The following SEC14L5 variants were observed in gnomAD, a reference collection of about 807,000 sequenced individuals.
SEC14L5 encodes the protein SEC14 like lipid binding 5, also known as SEC14-like protein 5.
In SEC14L5, 96 loss-of-function variants were observed where a neutral mutation model predicts 84.6. The ratio of observed to expected loss-of-function variants is 1.13; its 90% CI spans 0.96 to 1.34. The LOEUF (loss-of-function observed/expected upper bound fraction) is 1.34. Ranked by LOEUF, SEC14L5 falls within the 40% of genes most tolerant of loss-of-function variation. SEC14L5 has a pLI of 0.00. For synonymous variants in SEC14L5, 546 were observed against 383.4 expected, an observed-to-expected ratio of 1.42 and a Z score of -4.95; for missense variants, 1,224 against 942.5, an observed-to-expected ratio of 1.30 and a Z score of -3.91.
Position 4,996,341 on chromosome 16 carries a change from C to T in SEC14L5, c.668-7C>T, listed in dbSNP as rs1449285416. 1 of 1,527,774 alleles carries T rather than the reference C, an allele frequency of 6.5e-7. No homozygotes were observed. The highest frequency in any genetic ancestry group is 8.9e-7 in the Non-Finnish European group (1 of 1,124,904). The allele number at this position is 1,527,774 out of a possible 1,614,324, so 94.6% of individuals were successfully genotyped here. A position where few individuals can be genotyped will look rare whatever the true frequency, so the allele number is the denominator to read the frequency against. On this transcript the variant is annotated splice_polypyrimidine_tract_variant and splice_region_variant and intron_variant, in intron 6 of 15. Coordinates refer to ENST00000251170, the MANE Select transcript of SEC14L5 (RefSeq NM_014692.2). ...TCTTGTCCTGAAGCTCCCCCTTCTC[C>T]TCCAAGGGGACAAGCTGGATGCGGA...
chr16:4,997,768 A>T (rs910724282), intron 8 of SEC14L5, among the ~76,000 whole-genome samples: 4 of 152,038 alleles, frequency 2.6e-5, no homozygotes, highest in Admixed American at 6.6e-5. Flanking sequence ...TCTAGGGGAG[A>T]ATCCTTGCCT....
At position 4,992,170 on chromosome 16, in the gene SEC14L5, C is replaced by G. The variant is rs1955560152; in HGVS notation, c.667+140C>G. 5.5e-6 allele frequency: 3 copies of G among 544,450 alleles called. No individual in the cohort carries two copies. In the East Asian group the frequency reaches 9.5e-5, roughly 17 times the overall value. 33.7% of individuals were successfully genotyped at this position (544,450 alleles called of 1,614,324 possible). ...GGTCTGGGTCTTGGAACGACACCGC[C>G]TCCTGCCTCCACTGAGTGCTTTTCT... On this transcript the variant is annotated intron_variant, in intron 6 of 15. Transcript: ENST00000251170.
At chr16:4,969,000 G>A (rs960706338) in intron 2 of SEC14L5, among the ~76,000 whole-genome samples, 2 of 152,268 alleles carry the variant, frequency 1.3e-5, no homozygotes, top group African/African-American at 2.4e-5. Flanking sequence ...AGTTGGATTC[G>A]CTGTTACGGA....
At chr16:4,959,642 C>T (rs1298304827) in intron 2 of SEC14L5, among the ~76,000 whole-genome samples, 1 of 152,116 alleles carries the variant, frequency 6.6e-6, no homozygotes, top group African/African-American at 2.4e-5. Context: ...TTTAGACTCT[C>T]CTGATAGAAA....
intron 2 of SEC14L5, among the ~76,000 whole-genome samples, chr16:4,982,008 C>T (rs534006059): frequency 6.6e-6 from 1 of 152,296 alleles, no homozygotes; most frequent in Admixed American, 6.5e-5. Flanking sequence ...TGAGTCCAGA[C>T]CCCAGGATCC....
chr16:4,995,098 C>T (rs1468593683), intron 6 of SEC14L5, among the ~76,000 whole-genome samples: 5 of 152,202 alleles, frequency 3.3e-5, no homozygotes, highest in African/African-American at 7.2e-5. Flanking sequence ...CAGCAGTTGG[C>T]GTGACCCCCC....
chr16:4,963,243 T>TA (rs1395681325), intron 2 of SEC14L5, among the ~76,000 whole-genome samples: 5 of 152,226 alleles, frequency 3.3e-5, no homozygotes, highest in African/African-American at 1.2e-4. Context: ...TACTCTCACT[T>TA]AAAAAATTTA....
intron 4 of SEC14L5, 43 bp from the exon 5 acceptor site, chr16:4,990,724 C>T: frequency 1.3e-6 from 2 of 1,565,586 alleles, no homozygotes; most frequent in Non-Finnish European, 1.7e-6. Flanking sequence ...GGCAGGGTGC[C>T]CCCGACATTG....
chr16:4,975,409 C>T (rs1050354060), intron 2 of SEC14L5, among the ~76,000 whole-genome samples: 19 of 134,528 alleles, frequency 1.4e-4, no homozygotes, highest in Admixed American at 3.5e-4. Context: ...GGAGGCAGAG[C>T]TTGCAGTGAG....
At chr16:4,990,308 A>G (rs1293457607) in intron 4 of SEC14L5, among the ~76,000 whole-genome samples, 9 of 152,022 alleles carry the variant, frequency 5.9e-5, no homozygotes, top group Non-Finnish European at 1.2e-4. Context: ...GATTACAGGC[A>G]CCCACCACCA....
chr16:4,999,234 A>G (rs1179657360), intron 8 of SEC14L5, among the ~76,000 whole-genome samples: 1 of 152,214 alleles, frequency 6.6e-6, no homozygotes, highest in Non-Finnish European at 1.5e-5. Flanking sequence ...CACTAGCTTC[A>G]GGCAGGCACC....
intron 4 of SEC14L5, among the ~76,000 whole-genome samples, chr16:4,989,394 A>G (rs717346): frequency 0.52 from 78,413 of 149,890 alleles, 20,772 homozygotes; most frequent in East Asian, 0.72. Flanking sequence ...GTGCACTGGC[A>G]TAATCTTGGC....
Position 4,987,498 on chromosome 16 carries a change from G to GGC in SEC14L5, c.64-58_64-57insCG. The stretch of plus-strand genomic sequence containing the variant: ...ACACAGCAGATAAGGAGGTCGCGCT[G>GGC]GGGGGGGGGGTCCCTCTGCCCCCCC... On this transcript the variant is annotated intron_variant, in intron 2 of 15. Transcript: ENST00000251170. 9.0e-6 allele frequency: 6 copies of GGC among 667,676 alleles called. No individual in the cohort carries two copies. In the South Asian group the frequency reaches 1.1e-4, roughly 12 times the overall value. 41.4% of individuals were successfully genotyped at this position (667,676 alleles called of 1,614,324 possible).
intron 2 of SEC14L5, among the ~76,000 whole-genome samples, chr16:4,972,419 C>G (rs1378489890): frequency 6.6e-6 from 1 of 152,204 alleles, no homozygotes; most frequent in Non-Finnish European, 1.5e-5. Flanking sequence ...CAACTGTCTC[C>G]ACTGTCCATC....
Position 4,959,857 on chromosome 16 carries a change from T to A in SEC14L5, c.63+471T>A, listed in dbSNP as rs115123901. ...ACTGAGGCTTTGACAGGTGAAGGGA[T>A]GACACTAAGTTCTGTATCTACGCAG... On this transcript the variant is annotated intron_variant, in intron 2 of 15. Coordinates refer to ENST00000251170, the MANE Select transcript of SEC14L5 (RefSeq NM_014692.2). Among the ~76,000 whole-genome samples, 1,068 of 152,276 alleles carry A rather than the reference T, an allele frequency of 7.0e-3. 8 individuals are homozygous for A. The highest frequency in any genetic ancestry group is 0.024 in the African/African-American group (1,018 of 41,556).
At chr16:4,967,562 G>GTTTTTTTTTT (rs869061549) in intron 2 of SEC14L5, among the ~76,000 whole-genome samples, 3 of 37,064 alleles carry the variant, frequency 8.1e-5, no homozygotes, top group Non-Finnish European at 1.1e-4. Context: ...TCTTTCTTTC[G>GTTTTTTTTTT]TTTTTTTTTT....
chr16:4,962,990 G>A (rs569369600), intron 2 of SEC14L5, among the ~76,000 whole-genome samples: 23 of 152,308 alleles, frequency 1.5e-4, no homozygotes, highest in Non-Finnish European at 2.8e-4. Context: ...CTCAGATTGG[G>A]TCAGATGCCG....
chr16:5,010,470 G>A (rs2142534033), intron 14 of SEC14L5, among the ~76,000 whole-genome samples: 1 of 152,308 alleles, frequency 6.6e-6, no homozygotes, highest in East Asian at 1.9e-4. Context: ...GGCATTGCAG[G>A]TGGAATGTCA....
At chr16:4,992,846 C>A (rs895833632) in intron 6 of SEC14L5, among the ~76,000 whole-genome samples, 1 of 151,984 alleles carries the variant, frequency 6.6e-6, no homozygotes, top group Non-Finnish European at 1.5e-5. Context: ...GTATATATAC[C>A]CACACACATA....
Sources: gnomAD v4.1 joint callset for allele counts (sites outside exome capture counted in the v4.1 genomes callset) on GRCh38, gnomAD v4.1.1 for gene constraint, MANE v1.5 for transcripts, NCBI Gene and HGNC (gene_info 2026-07-23, HGNC 2026-07-21) for gene names.